The following DCST1 variants were observed in gnomAD, a reference collection of about 807,000 sequenced individuals.
DCST1 encodes DC-STAMP domain containing 1, also known as E3 ubiquitin-protein ligase DCST1.
Under a neutral mutation model 89.1 loss-of-function variants are expected in DCST1, and 78 were observed. That is an observed-to-expected ratio of 0.88 (90% CI 0.73 to 1.06). The LOEUF (loss-of-function observed/expected upper bound fraction) is 1.06. DCST1 is among the 50% of genes least tolerant of loss of function. The pLI is 0.00. For missense variants in DCST1, 900 were observed against 928.6 expected (o/e 0.97, Z 0.40); for synonymous variants, 364 against 371.9 (o/e 0.98, Z 0.24).
chr1:155,045,621 C>T, intron 10 of DCST1: 1 of 486,930 alleles, frequency 2.1e-6, no homozygotes, highest in East Asian at 3.8e-5. Context: ...ACAGGCTGAC[C>T]ATGCCCTCCT....
In DCST1 at chr1:155,034,647, C is replaced by A. The variant is rs1660213501; in HGVS notation, c.188-6C>A. Reference sequence around the variant, plus strand: ...TTTGGCCTTTGGCTTGACCTTGTGCCCTTAGGTCTCTTTCAGCTCCTGGTG... The same window carrying A: ...TTTGGCCTTTGGCTTGACCTTGTGCACTTAGGTCTCTTTCAGCTCCTGGTG... On this transcript the variant is annotated splice_polypyrimidine_tract_variant and splice_region_variant and intron_variant, in intron 3 of 16. Coordinates refer to ENST00000295542, the MANE Select transcript of DCST1 (RefSeq NM_152494.4). 6.2e-7 allele frequency: 1 copy of A among 1,614,144 alleles called. No homozygotes were observed. The highest frequency in any genetic ancestry group is 1.3e-5 in the African/African-American group (1 of 75,026).
chr1:155,041,650 G>A (rs1660444629), intron 7 of DCST1, 37 bp downstream of exon 7: 3 of 1,613,902 alleles, frequency 1.9e-6, no homozygotes, highest in Non-Finnish European at 2.5e-6. Flanking sequence ...GGTGGGGTGG[G>A]ATGTGGGGCC....
intron 8 of DCST1, among the ~76,000 whole-genome samples, chr1:155,042,468 G>C (rs945660529): frequency 1.3e-5 from 2 of 152,164 alleles, no homozygotes; most frequent in Admixed American, 6.5e-5. Context: ...GCACACAGAG[G>C]AGCTGCTCTG....
chr1:155,033,936 C>T lies in DCST1; in HGVS notation c.-65-36C>T, dbSNP rs922318129. ...GCTCAGGCCTAGGCTTCCCATGAAG[C>T]GGAAGAGACAGGCAGCACCTCTCTT... On this transcript the variant is annotated intron_variant, in intron 1 of 16. Coordinates refer to ENST00000295542, the MANE Select transcript of DCST1 (RefSeq NM_152494.4). The T allele has an allele frequency of 4.8e-6, 7 of 1,466,752 alleles. No individual in the cohort carries two copies. In the African/African-American group the frequency reaches 5.6e-5, roughly 12 times the overall value. The allele number at this position is 1,466,752 out of a possible 1,614,324, so 90.9% of individuals were successfully genotyped here. A position where few individuals can be genotyped will look rare whatever the true frequency, so the allele number is the denominator to read the frequency against.
At position 155,047,063 on chromosome 1, in the gene DCST1, C is replaced by A. The variant is rs1468914785; in HGVS notation, c.1496-133C>A. 8.8e-6 allele frequency: 7 copies of A among 793,994 alleles called. No homozygotes were observed. In the Admixed American group the frequency reaches 1.1e-4, roughly 12 times the overall value. 49.2% of individuals were successfully genotyped at this position (793,994 alleles called of 1,614,324 possible). On this transcript the variant is annotated intron_variant, in intron 13 of 16. Transcript: ENST00000295542. ...CTGGGAGCAGGGAGGGGTTAGGATT[C>A]AGGAAGGGACAGAAAGACTCAGGCA...
In DCST1 at chr1:155,047,176, A is replaced by T. The variant is rs370816222; in HGVS notation, c.1496-20A>T. 511 of 1,600,996 alleles carry T rather than the reference A, an allele frequency of 3.2e-4. 3 individuals carry two copies. The African/African-American group carries it at 6.1e-3, about 19-fold the overall frequency. Reference sequence around the variant, plus strand: ...TTTCTCCACCTGCCCTGACTTCCCTACCTGTCCTCCTGGCCGCAGGCAGTC... The same window carrying T: ...TTTCTCCACCTGCCCTGACTTCCCTTCCTGTCCTCCTGGCCGCAGGCAGTC... On this transcript the variant is annotated intron_variant, in intron 13 of 16. Coordinates refer to ENST00000295542, the MANE Select transcript of DCST1 (RefSeq NM_152494.4).
chr1:155,033,905 C>T, intron 1 of DCST1, 51 bp downstream of exon 1: 1 of 1,335,928 alleles, frequency 7.5e-7, no homozygotes, highest in Non-Finnish European at 1.0e-6. Flanking sequence ...GATTAAAAGG[C>T]CCAGAGCTCA....
intron 10 of DCST1, 69 bp downstream of exon 10, chr1:155,043,578 T>C: frequency 1.3e-6 from 2 of 1,489,118 alleles, no homozygotes; most frequent in Non-Finnish European, 1.8e-6. Flanking sequence ...TGAGGGAGGC[T>C]GTAAGGATGG....
At chr1:155,047,376 C>T in intron 14 of DCST1, 64 bp downstream of exon 14, 1 of 1,448,274 alleles carries the variant, frequency 6.9e-7, no homozygotes, top group Non-Finnish European at 9.6e-7. Context: ...TCAAAAGACT[C>T]CAAGGTAAAG....
chr1:155,035,253 C>T (rs1203619844), intron 4 of DCST1: 1 of 158,108 alleles, frequency 6.3e-6, no homozygotes, highest in Non-Finnish European at 1.4e-5. Context: ...ACCTCCACCT[C>T]CCAGGTTCAA....
intron 16 of DCST1, chr1:155,049,344 A>C (rs1035915091): frequency 2.5e-6 from 1 of 395,690 alleles, no homozygotes; most frequent in Non-Finnish European, 4.5e-6. Flanking sequence ...TCACATCTCC[A>C]AGCATCAGTT....
Position 155,034,060 on chromosome 1 carries a change from T to C in DCST1, c.24T>C (p.Asn8=). 1 of 1,614,088 alleles carries C rather than the reference T, an allele frequency of 6.2e-7. No homozygotes were observed. Among genetic ancestry groups the C allele is most frequent in the Non-Finnish European group, 8.5e-7 (1 of 1,180,020 alleles). ...TCATGGACATTAAACATCATCAGAA[T>C]GGCACAAGAGGGCAAAGAAGAAAAC... MDIKHHQ[N]GTRGQRRKQP... Residue 8 remains asparagine, a synonymous_variant, in exon 2 of 17, where the codon AAT becomes AAC. Transcript: ENST00000295542.
intron 13 of DCST1, among the ~76,000 whole-genome samples, chr1:155,046,736 G>A (rs1441665443): frequency 6.6e-6 from 1 of 150,948 alleles, no homozygotes; most frequent in Non-Finnish European, 1.5e-5. Context: ...CTCTTGAGTA[G>A]CTGAGATTAC....
intron 8 of DCST1, among the ~76,000 whole-genome samples, 192 bp downstream of exon 8, chr1:155,042,049 G>A (rs1215683524): frequency 6.6e-6 from 1 of 152,208 alleles, no homozygotes; most frequent in Non-Finnish European, 1.5e-5. Flanking sequence ...TCTGAGCTGT[G>A]GCTTTTCATC....
At chr1:155,040,349 G>T in intron 5 of DCST1, 136 bp from the exon 6 acceptor site, 13 of 733,830 alleles carry the variant, frequency 1.8e-5, no homozygotes, top group South Asian at 3.7e-5. Context: ...GGTTGAACAA[G>T]TTGACCTTTC....
At chr1:155,044,934 G>A (rs1268434884) in intron 10 of DCST1, among the ~76,000 whole-genome samples, 1 of 152,180 alleles carries the variant, frequency 6.6e-6, no homozygotes, top group Non-Finnish European at 1.5e-5. Context: ...GGTGCAGCGA[G>A]GCTCAGAGCC....
intron 16 of DCST1, chr1:155,049,165 C>A: frequency 1.5e-6 from 1 of 684,968 alleles, no homozygotes; most frequent in Non-Finnish European, 2.7e-6. Context: ...AACGGTGTGA[C>A]CTTGAGCACA....
intron 16 of DCST1, among the ~76,000 whole-genome samples, chr1:155,049,723 C>A (rs1660813064): frequency 6.6e-6 from 1 of 152,130 alleles, no homozygotes; most frequent in African/African-American, 2.4e-5. Context: ...TTCCCTAGGG[C>A]CTGGATACCC....
At position 155,034,521 on chromosome 1, in the gene DCST1, C is replaced by G. The variant is rs753473048; in HGVS notation, c.148C>G (p.Leu50Val). 3 of 1,613,676 alleles carry G rather than the reference C, an allele frequency of 1.9e-6. No homozygotes were observed. Among genetic ancestry groups the G allele is most frequent in the Non-Finnish European group, 2.5e-6 (3 of 1,179,882 alleles). ...GCCGGGCGAGTTTCCTGTCACTGCT[C>G]TCCTGCTGGGGGCAGGCGCTGGGGG... ...RQPGEFPVTA[L>V]LLGAGAGGLL... Residue 50 changes from leucine to valine, a missense_variant, in exon 3 of 17, where the codon CTC becomes GTC. Physicochemically the swap from Leu to Val is conservative, Grantham distance 32. Transcript: ENST00000295542.
Sources: allele counts gnomAD v4.1 joint callset (sites outside exome capture counted in the v4.1 genomes callset), GRCh38; gene constraint gnomAD v4.1.1; transcripts MANE v1.5; gene names NCBI Gene and HGNC (gene_info 2026-07-23, HGNC 2026-07-21).